GPR75: variants seen among roughly 807,000 people sequenced by gnomAD.
The protein encoded by GPR75 is G protein-coupled receptor 75.
GPR75 carries 27 observed loss-of-function variants against 26.0 expected under a neutral mutation model. The observed-to-expected ratio is 1.04, with a 90% CI of 0.77 to 1.43. The LOEUF (loss-of-function observed/expected upper bound fraction) is 1.43. Ranked by LOEUF, GPR75 falls within the 40% of genes most tolerant of loss-of-function variation. The pLI, the probability that GPR75 is intolerant of heterozygous loss-of-function variation, is 0.00. For missense variants in GPR75, 699 were observed against 662.3 expected (o/e 1.06, Z -0.61); for synonymous variants, 285 against 256.3 (o/e 1.11, Z -1.07).
Position 53,854,240 on chromosome 2 carries a change from A to C in GPR75, c.517T>G (p.Phe173Val). ...LLTLLLWATS[F>V]TLATLATLKT... ...AAGGTAGCCAAGGTGGCAAGGGTGAAACTGGTGGCCCAGAGAAGCAGGGTG... is the reference window on the plus strand; with the variant it reads ...AAGGTAGCCAAGGTGGCAAGGGTGACACTGGTGGCCCAGAGAAGCAGGGTG... The change falls in exon 2 of 2, where the codon TTC becomes GTC. Residue 173 changes from phenylalanine (F) to valine (V), a missense_variant. Phe to Val is a conservative substitution (Grantham distance 50). Transcript: ENST00000394705. 6.2e-7 allele frequency: 1 copy of C among 1,614,022 alleles called. No homozygotes were observed. Among genetic ancestry groups the C allele is most frequent in the Middle Eastern group, 1.6e-4 (1 of 6,062 alleles).
In GPR75 at chr2:53,853,095, C is replaced by T; in HGVS notation, c.*39G>A. 6.8e-7 allele frequency: 1 copy of T among 1,480,178 alleles called. No homozygotes were observed. Among genetic ancestry groups the T allele is most frequent in the African/African-American group, 1.4e-5 (1 of 71,708 alleles). The allele number at this position is 1,480,178 out of a possible 1,614,324, so 91.7% of individuals were successfully genotyped here. A position where few individuals can be genotyped will look rare whatever the true frequency, so the allele number is the denominator to read the frequency against. On this transcript the variant is annotated 3_prime_UTR_variant, in exon 2 of 2. Transcript: ENST00000394705. ...GAATAAAGTCCATTACTATCAGAAA[C>T]AAAAACTGTTTACATAAGATCCTAT...
chr2:53,859,550 A>G (rs1255107431), intron 1 of GPR75, among the ~76,000 whole-genome samples: 1 of 147,220 alleles, frequency 6.8e-6, no homozygotes, highest in Non-Finnish European at 1.5e-5. Context: ...CGGGCCAGGT[A>G]AGCTTGCAAA....
chr2:53,857,533 A>T (rs1268555932), intron 1 of GPR75, among the ~76,000 whole-genome samples: 2 of 152,108 alleles, frequency 1.3e-5, no homozygotes, highest in African/African-American at 4.8e-5. Flanking sequence ...ATGAAAAGTA[A>T]CTAGGTAATA....
intron 1 of GPR75, among the ~76,000 whole-genome samples, chr2:53,856,785 A>G (rs1678237375): frequency 6.6e-6 from 1 of 152,130 alleles, no homozygotes; most frequent in South Asian, 2.1e-4. Flanking sequence ...ACTTTTCTAT[A>G]CTTTCCTTTC....
chr2:53,855,239 C>G (rs940785724), intron 1 of GPR75, among the ~76,000 whole-genome samples: 2 of 152,164 alleles, frequency 1.3e-5, no homozygotes, highest in East Asian at 3.9e-4. Context: ...TACATTCATC[C>G]AGCTAATATT....
chr2:53,854,945 TTAG>T, intron 1 of GPR75, 80 bp from the exon 2 acceptor site: 2 of 587,222 alleles, frequency 3.4e-6, no homozygotes, highest in East Asian at 5.6e-5. Context: ...GATCTCATTA[TTAG>T]TAGTAGTATT....
At chr2:53,858,350 G>A (rs968854209) in intron 1 of GPR75, among the ~76,000 whole-genome samples, 3 of 150,986 alleles carry the variant, frequency 2.0e-5, no homozygotes, top group East Asian at 1.9e-4. Context: ...TCTGGAATCC[G>A]AAATTCTGAT....
At position 53,859,929 on chromosome 2, in the gene GPR75, C is replaced by T. The variant is rs1220270033; in HGVS notation, c.-211G>A. The T allele has an allele frequency of 4.7e-6, 7 of 1,502,506 alleles. No individual in the cohort carries two copies. The highest frequency in any genetic ancestry group is 6.2e-6 in the Non-Finnish European group (7 of 1,130,912). The allele number at this position is 1,502,506 out of a possible 1,614,324, so 93.1% of individuals were successfully genotyped here. ...GCAGGACTAGAGGCATCATCGCCAT[C>T]GCCACCGCCTCCGCGCATCCCGGGA... On this transcript the variant is annotated 5_prime_UTR_variant, in exon 1 of 2. Coordinates refer to ENST00000394705, the MANE Select transcript of GPR75 (RefSeq NM_006794.4).
Position 53,853,588 on chromosome 2 carries a change from C to A in GPR75, c.1169G>T (p.Cys390Phe), listed in dbSNP as rs748052778. Residue 390 changes from cysteine (C) to phenylalanine (F), a missense_variant, in exon 2 of 2, where the codon TGC becomes TTC. By Grantham distance (205) the Cys-to-Phe change is radical. Coordinates refer to ENST00000394705, the MANE Select transcript of GPR75 (RefSeq NM_006794.4). The stretch of plus-strand genomic sequence containing the variant: ...AAAACCCAGGCCTATGTATTGGAGG[C>A]ACCAGAGCACTTTCCTTCTCAGCCC... ...SAGLRRKVLWCLQYIGLGFFC... is the reference protein window; with the variant it reads ...SAGLRRKVLWFLQYIGLGFFC... 6.2e-7 allele frequency: 1 copy of A among 1,613,964 alleles called. No individual in the cohort carries two copies. Among genetic ancestry groups the A allele is most frequent in the Admixed American group, 1.7e-5 (1 of 60,024 alleles).
At position 53,859,945 on chromosome 2, in the gene GPR75, C is replaced by A; in HGVS notation, c.-227G>T. 4 of 1,490,062 alleles carry A rather than the reference C, an allele frequency of 2.7e-6. No homozygotes were observed. The highest frequency in any genetic ancestry group is 3.6e-6 in the Non-Finnish European group (4 of 1,124,444). The allele number at this position is 1,490,062 out of a possible 1,614,324, so 92.3% of individuals were successfully genotyped here. A position where few individuals can be genotyped will look rare whatever the true frequency, so the allele number is the denominator to read the frequency against. ...CATCGCCATCGCCACCGCCTCCGCG[C>A]ATCCCGGGAGCCGCGGCAAGACGCG... is the stretch of plus-strand genomic sequence containing the variant. On this transcript the variant is annotated 5_prime_UTR_variant, in exon 1 of 2. An upstream start codon of the reference 5' UTR is lost. Transcript: ENST00000394705.
intron 1 of GPR75, among the ~76,000 whole-genome samples, chr2:53,856,946 A>ATTTTTTTTTTTTTTTTTT (rs10665107): frequency 2.5e-5 from 2 of 78,958 alleles, no homozygotes; most frequent in African/African-American, 4.9e-5. Flanking sequence ...GAGAAAGACA[A>ATTTTTTTTTTTTTTTTTT]TTTTTTTTTT....
Position 53,854,607 on chromosome 2 carries a change from C to T in GPR75, c.150G>A (p.Ala50=), listed in dbSNP as rs139634900. 2,458 of 1,613,882 alleles carry T rather than the reference C, an allele frequency of 1.5e-3. 9 individuals carry two copies. The highest frequency in any genetic ancestry group is 1.9e-3 in the Non-Finnish European group (2,212 of 1,179,968). The change falls in exon 2 of 2, where the codon GCG becomes GCA. Residue 50 remains alanine, a synonymous_variant. Coordinates refer to ENST00000394705, the MANE Select transcript of GPR75 (RefSeq NM_006794.4). ...ATLVTCTFLL[A]VIFCLGSYGN... ...CATAGGAACCCAGGCAGAAGATGACCGCCAGTAGAAAAGTACAGGTCACCA... is the reference window on the plus strand; with the variant it reads ...CATAGGAACCCAGGCAGAAGATGACTGCCAGTAGAAAAGTACAGGTCACCA...
chr2:53,854,909 T>C (rs1488546885), intron 1 of GPR75, 44 bp from the exon 2 acceptor site: 1 of 619,182 alleles, frequency 1.6e-6, no homozygotes, highest in East Asian at 2.6e-5. Context: ...GGGATTAATG[T>C]AGAAACAGAA....
In GPR75 at chr2:53,852,965, A is replaced by G; in HGVS notation, c.*169T>C. Reference sequence around the variant, plus strand: ...TCAAATCTTAAGATGTCAACAAACTACAAAGCAAATCAACAGATACTGACA... The same window carrying G: ...TCAAATCTTAAGATGTCAACAAACTGCAAAGCAAATCAACAGATACTGACA... On this transcript the variant is annotated 3_prime_UTR_variant, in exon 2 of 2. Transcript: ENST00000394705. 2 of 571,736 alleles carry G rather than the reference A, an allele frequency of 3.5e-6. No individual in the cohort carries two copies. Among genetic ancestry groups the G allele is most frequent in the South Asian group, 2.6e-5 (1 of 38,062 alleles). The allele number at this position is 571,736 out of a possible 1,614,324, so 35.4% of individuals were successfully genotyped here.
chr2:53,853,190 A>C lies in GPR75; in HGVS notation c.1567T>G (p.Leu523Val), dbSNP rs758205214. Residue 523 changes from leucine to valine, a missense_variant, in exon 2 of 2, where the codon TTA (leucine) becomes GTA (valine). By Grantham distance (32) the Leu-to-Val change is conservative. Coordinates refer to ENST00000394705, the MANE Select transcript of GPR75 (RefSeq NM_006794.4). The part of the protein sequence containing the change: ...IAMHYHTTND[L>V]VQEYDSTSAK... ...GAAGTGCTGTCATATTCCTGCACTA[A>C]GTCATTAGTGGTGTGATAATGCATG... 6.2e-6 allele frequency: 10 copies of C among 1,613,898 alleles called. No individual in the cohort carries two copies. Among genetic ancestry groups the C allele is most frequent in the Non-Finnish European group, 8.5e-6 (10 of 1,179,876 alleles).
rs936143031 is a variant in GPR75, at chr2:53,854,513, T to C, written c.244A>G (p.Met82Val). Reference sequence around the variant, plus strand: ...TCACAGAAGGACAGGTTCAGGATCATGAAATCAAAGTTGGTTCTGAATTTC... The same window carrying C: ...TCACAGAAGGACAGGTTCAGGATCACGAAATCAAAGTTGGTTCTGAATTTC... ...FRKFRTNFDF[M>V]ILNLSFCDLF... Residue 82 changes from methionine to valine, a missense_variant, in exon 2 of 2, where the codon ATG becomes GTG. Physicochemically the swap from Met to Val is conservative, Grantham distance 21. Transcript: ENST00000394705. 5.6e-6 allele frequency: 9 copies of C among 1,614,114 alleles called. No individual in the cohort carries two copies. Among genetic ancestry groups the C allele is most frequent in the Non-Finnish European group, 7.6e-6 (9 of 1,180,002 alleles).
Position 53,859,815 on chromosome 2 carries a change from C to A in GPR75, c.-110+13G>T, listed in dbSNP as rs1033069037. 1.7e-4 allele frequency: 256 copies of A among 1,524,732 alleles called. 1 individual carries two copies. Among genetic ancestry groups the A allele is most frequent in the Non-Finnish European group, 2.2e-4 (247 of 1,138,610 alleles). The allele number at this position is 1,524,732 out of a possible 1,614,324, so 94.5% of individuals were successfully genotyped here. A position where few individuals can be genotyped will look rare whatever the true frequency, so the allele number is the denominator to read the frequency against. On this transcript the variant is annotated intron_variant, in intron 1 of 1. Transcript: ENST00000394705. ...GTGGGGTTGTCCTCCTCCAGGGGCC[C>A]GCGGCCTCTCACCTGCCGGGTGGCC...
chr2:53,855,600 G>C (rs141381842), intron 1 of GPR75, among the ~76,000 whole-genome samples: 1 of 152,206 alleles, frequency 6.6e-6, no homozygotes, highest in South Asian at 2.1e-4. Flanking sequence ...GCAAGCACAG[G>C]CCAGCTGGAT....
intron 1 of GPR75, 85 bp from the exon 2 acceptor site, chr2:53,854,950 A>G (rs939829618): frequency 2.1e-5 from 12 of 581,608 alleles, no homozygotes; most frequent in African/African-American, 1.7e-4. Context: ...CATTATTAGT[A>G]GTAGTATTAG....
Sources: gnomAD v4.1 joint callset for allele counts (sites outside exome capture counted in the v4.1 genomes callset) on GRCh38, gnomAD v4.1.1 for gene constraint, MANE v1.5 for transcripts, NCBI Gene and HGNC (gene_info 2026-07-23, HGNC 2026-07-21) for gene names.